The following HGS variants were observed in gnomAD, a reference collection of about 807,000 sequenced individuals.
HGS encodes the protein human growth factor-regulated tyrosine kinase substrate.
In HGS, 63 loss-of-function variants were observed where a neutral mutation model predicts 109.7. The observed-to-expected ratio is 0.57, with a 90% confidence interval of 0.47 to 0.71. HGS has a LOEUF of 0.71. Among genes scored for constraint, HGS ranks in the 30% least tolerant of loss-of-function variants. The pLI is 0.00. For missense variants in HGS, 995 were observed against 1,068.3 expected (o/e 0.93, Z 0.96); for synonymous variants, 546 against 437.3 (o/e 1.25, Z -3.10).
chr17:81,684,988 G>A, intron 1 of HGS: 2 of 985,424 alleles, frequency 2.0e-6, no homozygotes, highest in Non-Finnish European at 2.4e-6. Flanking sequence ...CTGTATCCGG[G>A]AAAGGCGATG....
At chr17:81,689,383 G>A (rs1388253235) in intron 5 of HGS, among the ~76,000 whole-genome samples, 3 of 152,244 alleles carry the variant, frequency 2.0e-5, no homozygotes, top group African/African-American at 7.2e-5. Flanking sequence ...TCTAGGTCGT[G>A]GCTGCCAAGG....
Position 81,685,011 on chromosome 17 carries a change from G to A in HGS, c.38-594G>A, listed in dbSNP as rs536936807. ...GGGAAAGGCGATGTGGGCAGAGCTGGAGCTGCCCCCCCAGAGGGGCCAGTT... is the reference window on the plus strand; with the variant it reads ...GGGAAAGGCGATGTGGGCAGAGCTGAAGCTGCCCCCCCAGAGGGGCCAGTT... On this transcript the variant is annotated intron_variant, in intron 1 of 21. Transcript: ENST00000329138. 22 of 985,422 alleles carry A rather than the reference G, an allele frequency of 2.2e-5. No individual in the cohort carries two copies. In the South Asian group the frequency reaches 8.9e-4, roughly 40 times the overall value. 61.0% of individuals were successfully genotyped at this position (985,422 alleles called of 1,614,324 possible). A position where few individuals can be genotyped will look rare whatever the true frequency, so the allele number is the denominator to read the frequency against.
intron 5 of HGS, among the ~76,000 whole-genome samples, chr17:81,689,356 C>T (rs1274267064): frequency 6.6e-6 from 1 of 152,220 alleles, no homozygotes; most frequent in Non-Finnish European, 1.5e-5. Flanking sequence ...CAGCAGGAGG[C>T]CTCTGGTGGG....
intron 8 of HGS, chr17:81,693,001 ACT>A (rs1481984171): frequency 2.7e-5 from 4 of 149,982 alleles, no homozygotes; most frequent in South Asian, 2.1e-4. Context: ...ACAGAGCAAG[ACT>A]CTATCTCAAA....
chr17:81,698,178 A>T (rs1188062338), intron 18 of HGS: 1 of 152,126 alleles, frequency 6.6e-6, no homozygotes, highest in Non-Finnish European at 1.5e-5. Flanking sequence ...CGTGCCTGTA[A>T]TCCCAGCTAT....
chr17:81,698,834 C>T (rs1454485054), intron 18 of HGS, among the ~76,000 whole-genome samples: 1 of 152,192 alleles, frequency 6.6e-6, no homozygotes, highest in East Asian at 1.9e-4. Flanking sequence ...TTTGGGAGGC[C>T]AAGGCGCGTG....
intron 8 of HGS, chr17:81,692,624 G>C (rs906892921): frequency 6.6e-6 from 1 of 152,286 alleles, no homozygotes; most frequent in Non-Finnish European, 1.5e-5. Context: ...ACACACACTT[G>C]CTGCCGTTTC....
At chr17:81,696,783 G>T (rs1479883360) in intron 17 of HGS, 36 bp downstream of exon 17, 1 of 1,602,326 alleles carries the variant, frequency 6.2e-7, no homozygotes, top group Non-Finnish European at 8.5e-7. Context: ...GAGGCTTGTG[G>T]GCTGAGGACC....
At position 81,701,600 on chromosome 17, in the gene HGS, G is replaced by C. The variant is rs897994739; in HGVS notation, c.2316G>C (p.Gln772His). The change falls in exon 22 of 22, where the codon CAG (glutamine) becomes CAC (histidine). Residue 772 changes from glutamine (Q) to histidine (H), a missense_variant. Around this residue, in one of 6 missense-constraint regions of HGS, gnomAD observed 326 missense variants for 309.7 expected, o/e 1.05. Coordinates refer to ENST00000329138, the MANE Select transcript of HGS (RefSeq NM_004712.5). The stretch of plus-strand genomic sequence containing the variant: ...CGCCGGCACAGGGCAGCGAGGCCCA[G>C]CTCATTTCATTCGACTGACCCAGGC... ...QGPPAQGSEAQLISFD is the reference protein window; with the variant it reads ...QGPPAQGSEAHLISFD The C allele has an allele frequency of 2.6e-6, 4 of 1,567,540 alleles. No homozygotes were observed. The highest frequency in any genetic ancestry group is 1.4e-5 in the African/African-American group (1 of 73,980).
rs757737619 is a variant in HGS, at chr17:81,696,991, T to C, written c.1875T>C (p.Thr625=). The change falls in exon 18 of 22, where the codon ACT becomes ACC. Residue 625 remains threonine (T), a synonymous_variant. Transcript: ENST00000329138. ...GCCCCTACCCCAGCATGCCCAGCAC[T>C]GCGGCTGGTAAGGACGGGTCGGGGC... ...AAGPYPSMPS[T]AADPSMVSAY... 2.5e-6 allele frequency: 4 copies of C among 1,586,440 alleles called. No homozygotes were observed. The South Asian group carries it at 4.4e-5, about 18-fold the overall frequency.
At position 81,688,804 on chromosome 17, in the gene HGS, C is replaced by CCT. The variant is rs1467409548; in HGVS notation, c.393_394dup (p.Tyr132SerfsTer5). 6.2e-7 allele frequency: 1 copy of CCT among 1,614,028 alleles called. No homozygotes were observed. The highest frequency in any genetic ancestry group is 8.5e-7 in the Non-Finnish European group (1 of 1,180,018). On this transcript the variant is annotated frameshift_variant, in exon 5 of 22. Transcript: ENST00000329138. LOFTEE classifies it high-confidence loss of function. Reference sequence around the variant, plus strand: ...CCCAAGTACAAGGTGGTCCAGGACACCTACCAGATCATGAAGGTGGAGGGT... The same window carrying CCT: ...CCCAAGTACAAGGTGGTCCAGGACACCTCTACCAGATCATGAAGGTGGAGGGT...
chr17:81,690,813 G>A (rs1392007088), intron 7 of HGS, 71 bp downstream of exon 7: 30 of 1,359,590 alleles, frequency 2.2e-5, no homozygotes, highest in Middle Eastern at 1.8e-4. Flanking sequence ...CAAGGCCACC[G>A]TCCCTGCTGG....
intron 18 of HGS, among the ~76,000 whole-genome samples, chr17:81,698,613 G>A (rs893541445): frequency 2.0e-5 from 3 of 152,182 alleles, no homozygotes; most frequent in African/African-American, 2.4e-5. Context: ...TTTAGTGGAG[G>A]GTGGTCTGGA....
Position 81,695,781 on chromosome 17 carries a change from T to C in HGS, c.1180-5T>C, listed in dbSNP as rs762544759. The stretch of plus-strand genomic sequence containing the variant: ...CACTCATCCAGAACCCTGCTCTGCC[T>C]GCAGCCACAGTTCCACAATGGCGAG... On this transcript the variant is annotated splice_polypyrimidine_tract_variant and splice_region_variant and intron_variant, in intron 14 of 21. Transcript: ENST00000329138. 7 of 1,613,126 alleles carry C rather than the reference T, an allele frequency of 4.3e-6. No homozygotes were observed. The highest frequency in any genetic ancestry group is 5.9e-6 in the Non-Finnish European group (7 of 1,179,948).
In HGS at chr17:81,701,741, A is replaced by AG. The variant is rs776784182; in HGVS notation, c.*130dup. On this transcript the variant is annotated 3_prime_UTR_variant, in exon 22 of 22. Coordinates refer to ENST00000329138, the MANE Select transcript of HGS (RefSeq NM_004712.5). Reference sequence around the variant, plus strand: ...CGGTAGTGTCCCTTCTCTGCGAGTGAGGGGGGGCCTTCACCCCAAGCCCAC... The same window carrying AG: ...CGGTAGTGTCCCTTCTCTGCGAGTGAGGGGGGGGCCTTCACCCCAAGCCCAC... 44 of 1,394,006 alleles carry AG rather than the reference A, an allele frequency of 3.2e-5. No individual in the cohort carries two copies. The highest frequency in any genetic ancestry group is 2.1e-4 in the East Asian group (8 of 38,618). 86.4% of individuals were successfully genotyped at this position (1,394,006 alleles called of 1,614,324 possible).
chr17:81,694,906 C>T lies in HGS; in HGVS notation c.976-18C>T, dbSNP rs749724647. On this transcript the variant is annotated intron_variant, in intron 12 of 21. Coordinates refer to ENST00000329138, the MANE Select transcript of HGS (RefSeq NM_004712.5). ...TCACGGTTTCTGGCCTTGGGAGTGA[C>T]CCCCTCATTGCCTGCAGCTCGCACG... 6.2e-7 allele frequency: 1 copy of T among 1,614,212 alleles called. No individual in the cohort carries two copies. The highest frequency in any genetic ancestry group is 1.7e-5 in the Admixed American group (1 of 60,022).
At chr17:81,699,875 C>T (rs1172584791) in intron 18 of HGS, among the ~76,000 whole-genome samples, 1 of 149,990 alleles carries the variant, frequency 6.7e-6, no homozygotes, top group African/African-American at 2.5e-5. Flanking sequence ...AGGAGTTTGA[C>T]ACCAGCCTGA....
chr17:81,693,597 C>A lies in HGS; in HGVS notation c.741+16C>A, dbSNP rs750550199. ...GCAGTCCCAGGTACTCAGCCCCCTC[C>A]GTCCCGTGGGCACCTCTTCCCCGGC... On this transcript the variant is annotated intron_variant, in intron 9 of 21. Coordinates refer to ENST00000329138, the MANE Select transcript of HGS (RefSeq NM_004712.5). 1.3e-6 allele frequency: 2 copies of A among 1,569,976 alleles called. No individual in the cohort carries two copies. The highest frequency in any genetic ancestry group is 3.5e-5 in the Admixed American group (2 of 57,574).
At chr17:81,692,591 A>G (rs1168774491) in intron 8 of HGS, 1 of 152,240 alleles carries the variant, frequency 6.6e-6, no homozygotes, top group Non-Finnish European at 1.5e-5. Flanking sequence ...ATGGCAGGGC[A>G]TCCCAGCGCC....
Sources: allele counts gnomAD v4.1 joint callset (sites outside exome capture counted in the v4.1 genomes callset), GRCh38; gene constraint gnomAD v4.1.1; regional missense constraint gnomAD v4.1.1; transcripts MANE v1.5; gene names NCBI Gene and HGNC (gene_info 2026-07-23, HGNC 2026-07-21).